The following CNBD1 variants were observed in gnomAD, a reference collection of about 807,000 sequenced individuals.
CNBD1 encodes the protein cyclic nucleotide binding domain containing 1.
Under a neutral mutation model 54.4 loss-of-function variants are expected in CNBD1, and 71 were observed. The ratio of observed to expected loss-of-function variants is 1.30; its 90% CI spans 1.08 to 1.59. CNBD1 has a LOEUF of 1.59. Ranked by LOEUF, CNBD1 falls within the 40% of genes most tolerant of loss-of-function variation. The pLI, the probability that CNBD1 is intolerant of heterozygous loss-of-function variation, is 0.00. For synonymous variants in CNBD1, 182 were observed against 170.7 expected (o/e 1.07, Z -0.51); for missense variants, 659 against 518.0 (o/e 1.27, Z -2.64).
At chr8:87,342,802 G>T (rs1810094406) in intron 8 of CNBD1, among the ~76,000 whole-genome samples, 1 of 152,096 alleles carries the variant, frequency 6.6e-6, no homozygotes, top group Admixed American at 6.5e-5. Flanking sequence ...AGATCACAAG[G>T]CAAGGGCAAA....
chr8:87,182,320 A>G lies in CNBD1; in HGVS notation c.432-23673A>G, dbSNP rs1225311914. Among the ~76,000 whole-genome samples, 1 of 151,896 alleles carries G rather than the reference A, an allele frequency of 6.6e-6. No individual in the cohort carries two copies. The highest frequency in any genetic ancestry group is 1.5e-5 in the Non-Finnish European group (1 of 67,952). On this transcript the variant is annotated intron_variant, in intron 4 of 10. Transcript: ENST00000518476. The surrounding 1 kb of genome is among the most constrained non-coding windows in gnomAD (Gnocchi z 4.1). ...ATTGATGGGTATTTAGGTTGATTCC[A>G]TGTCTTTGCTACTGTAAACAGCACT...
At chr8:87,411,737 G>A (rs764566218) in intron 2 of CNBD1, among the ~76,000 whole-genome samples, 1 of 149,880 alleles carries the variant, frequency 6.7e-6, no homozygotes, top group Non-Finnish European at 1.5e-5. Flanking sequence ...ACCAAGTTAT[G>A]TACTGAAAGG....
intron 6 of CNBD1, among the ~76,000 whole-genome samples, chr8:87,252,491 T>C (rs1054082688): frequency 1.3e-5 from 2 of 152,212 alleles, no homozygotes; most frequent in Non-Finnish European, 2.9e-5. Flanking sequence ...AATAAATTAA[T>C]TAAAACACAT....
At chr8:87,417,176 G>GC (rs1807852172) in intron 2 of CNBD1, among the ~76,000 whole-genome samples, 2 of 151,950 alleles carry the variant, frequency 1.3e-5, no homozygotes, top group Admixed American at 1.3e-4. Context: ...CATAATCAAG[G>GC]TGGAAGGTGA....
At chr8:86,999,058 T>A (rs1808939324) in intron 4 of CNBD1, among the ~76,000 whole-genome samples, 1 of 152,246 alleles carries the variant, frequency 6.6e-6, no homozygotes, top group Non-Finnish European at 1.5e-5. Flanking sequence ...AATATTTAAA[T>A]GTCCATGCCA....
chr8:86,939,642 G>A lies in CNBD1; in HGVS notation c.319G>A (p.Asp107Asn). The change falls in exon 4 of 11, where the codon GAT becomes AAT. Residue 107 changes from aspartate to asparagine, a missense_variant. By Grantham distance (23) the Asp-to-Asn change is conservative. Transcript: ENST00000518476. ...GGAAAGTCAACATCAACAACCTGATGATTCTAACAATATAGCTGTCCATGT... is the reference window on the plus strand; with the variant it reads ...GGAAAGTCAACATCAACAACCTGATAATTCTAACAATATAGCTGTCCATGT... The part of the protein sequence containing the change: ...KEESQHQQPD[D>N]SNNIAVHVQR... The A allele has an allele frequency of 1.9e-6, 3 of 1,602,048 alleles. No homozygotes were observed. Among genetic ancestry groups the A allele is most frequent in the Non-Finnish European group, 2.6e-6 (3 of 1,175,398 alleles).
intron 4 of CNBD1, among the ~76,000 whole-genome samples, chr8:87,026,188 G>A (rs1809641352): frequency 6.6e-6 from 1 of 152,110 alleles, no homozygotes; most frequent in Admixed American, 6.5e-5. Flanking sequence ...TACCTATACT[G>A]TATTAATGGG....
intron 8 of CNBD1, among the ~76,000 whole-genome samples, chr8:87,305,510 A>C (rs1457707098): frequency 6.6e-6 from 1 of 152,176 alleles, no homozygotes; most frequent in Non-Finnish European, 1.5e-5. Context: ...AAACTATACT[A>C]TAAGGCCATA....
At chr8:86,880,350 C>A (rs60285240) in intron 1 of CNBD1, among the ~76,000 whole-genome samples, 7 of 144,946 alleles carry the variant, frequency 4.8e-5, no homozygotes, top group South Asian at 2.2e-4. Flanking sequence ...TAAAAAAAAA[C>A]GTAATACTAC....
At chr8:87,260,740 CT>C (rs898180346) in intron 6 of CNBD1, among the ~76,000 whole-genome samples, 1 of 150,750 alleles carries the variant, frequency 6.6e-6, no homozygotes, top group Non-Finnish European at 1.5e-5. Context: ...AAATCTTTTT[CT>C]TTTTTTTTCA....
At chr8:87,144,327 TA>T (rs1812437103) in intron 4 of CNBD1, among the ~76,000 whole-genome samples, 1 of 152,220 alleles carries the variant, frequency 6.6e-6, no homozygotes, top group African/African-American at 2.4e-5. Context: ...ACACAATTAC[TA>T]AGCATGGCAG....
At chr8:87,223,076 C>A (rs954701198) in intron 5 of CNBD1, among the ~76,000 whole-genome samples, 2 of 144,508 alleles carry the variant, frequency 1.4e-5, no homozygotes, top group Admixed American at 6.9e-5. Context: ...TTTCAACAAA[C>A]CACTTTTATT....
intron 4 of CNBD1, among the ~76,000 whole-genome samples, chr8:86,989,309 ATAC>A (rs1808684571): frequency 2.7e-5 from 4 of 150,252 alleles, no homozygotes; most frequent in African/African-American, 1.0e-4. Context: ...AAATAAATAC[ATAC>A]ATACATACAT....
intron 4 of CNBD1, among the ~76,000 whole-genome samples, chr8:87,057,064 C>A (rs957141753): frequency 6.6e-6 from 1 of 152,122 alleles, no homozygotes; most frequent in Non-Finnish European, 1.5e-5. Flanking sequence ...CTTAATCTTA[C>A]CTGACTGGGG....
At chr8:87,317,875 A>T (rs1809426145) in intron 8 of CNBD1, among the ~76,000 whole-genome samples, 1 of 129,614 alleles carries the variant, frequency 7.7e-6, no homozygotes, top group East Asian at 2.0e-4. Context: ...CTCTGTTCTA[A>T]TATGTATGTG....
At chr8:87,055,769 A>T (rs1276780994) in intron 4 of CNBD1, among the ~76,000 whole-genome samples, 1 of 135,580 alleles carries the variant, frequency 7.4e-6, no homozygotes, top group East Asian at 2.2e-4. Flanking sequence ...CTTCTACCCC[A>T]CCTTTCTCTT....
Position 87,106,197 on chromosome 8 carries a change from T to TTTTTC in CNBD1, c.432-99777_432-99773dup, listed in dbSNP as rs532821414. Among the ~76,000 whole-genome samples the TTTTTC allele has an allele frequency of 1.7e-3, 255 of 151,994 alleles. 1 individual carries two copies. The highest frequency in any genetic ancestry group is 5.0e-3 in the African/African-American group (206 of 41,424). The stretch of plus-strand genomic sequence containing the variant: ...TTTCCATTCCTTTCCTTTCCTTTTC[T>TTTTTC]TTTTCTTTTCTTTTCTTTTCTTTCT... On this transcript the variant is annotated intron_variant, in intron 4 of 10. Transcript: ENST00000518476.
intron 4 of CNBD1, among the ~76,000 whole-genome samples, chr8:87,029,485 G>T (rs751934758): frequency 6.6e-6 from 1 of 152,084 alleles, no homozygotes; most frequent in Non-Finnish European, 1.5e-5. Context: ...GAAATGGGGA[G>T]GTAAAGCAGT....
chr8:86,911,020 A>G (rs534261517), intron 3 of CNBD1, among the ~76,000 whole-genome samples: 1 of 152,334 alleles, frequency 6.6e-6, no homozygotes, highest in Admixed American at 6.5e-5. Flanking sequence ...CCCACGAAGA[A>G]GCTGGCTACC....
Sources: allele counts gnomAD v4.1 joint callset (sites outside exome capture counted in the v4.1 genomes callset), GRCh38; gene constraint gnomAD v4.1.1; non-coding constraint Gnocchi (gnomAD v3.1); transcripts MANE v1.5; gene names NCBI Gene and HGNC (gene_info 2026-07-23, HGNC 2026-07-21).